Variants in AUNIP observed in about 807,000 individuals in gnomAD.
AUNIP encodes aurora kinase A and ninein interacting protein.
Under a neutral mutation model 12.2 loss-of-function variants are expected in AUNIP, and 16 were observed. The observed-to-expected ratio is 1.31, with a 90% CI of 0.88 to 1.99. The LOEUF (loss-of-function observed/expected upper bound fraction) is 1.99. AUNIP is among the 30% of genes most tolerant of loss of function. The probability of loss-of-function intolerance (pLI) is 0.00; values close to 1 mark genes in which losing one functional copy is unlikely to be tolerated. For missense variants in AUNIP, 411 were observed against 419.1 expected (o/e 0.98, Z 0.17); for synonymous variants, 142 against 154.8 (o/e 0.92, Z 0.61).
At chr1:25,858,804 A>G (rs1335375871) in intron 1 of AUNIP, among the ~76,000 whole-genome samples, 2 of 152,132 alleles carry the variant, frequency 1.3e-5, no homozygotes, top group Admixed American at 1.3e-4. Context: ...TTTTCCCCTC[A>G]AAGTTACCGG....
At position 25,851,394 on chromosome 1, in the gene AUNIP, A is replaced by C. The variant is rs558327493; in HGVS notation, c.78+7886T>G. Among the ~76,000 whole-genome samples the C allele has an allele frequency of 7.2e-5, 11 of 152,310 alleles. No homozygotes were observed. The South Asian group carries it at 2.3e-3, about 32-fold the overall frequency. ...AATACTGGCCTCAAAATGAGTTGGA[A>C]AGTGTTCCCTCCTCTTCTATTCTAT... On this transcript the variant is annotated intron_variant, in intron 1 of 2. Coordinates refer to ENST00000374298, the MANE Select transcript of AUNIP (RefSeq NM_024037.3).
rs200879396 is a variant in AUNIP, at chr1:25,835,669, G to C, written c.398C>G (p.Ser133Cys). ...TTADIQEAGLSPQSLQTSGHH... is the reference protein window; with the variant it reads ...TTADIQEAGLCPQSLQTSGHH... ...GCCAGAAGTCTGGAGGGACTGAGGA[G>C]AGAGTCCAGCTTCCTGGATGTCTGC... is the stretch of plus-strand genomic sequence containing the variant. Residue 133 changes from serine (S) to cysteine (C), a missense_variant, in exon 3 of 3, where the codon TCT (serine) becomes TGT (cysteine). Transcript: ENST00000374298. The C allele has an allele frequency of 6.2e-7, 1 of 1,614,220 alleles. No individual in the cohort carries two copies. The highest frequency in any genetic ancestry group is 1.3e-5 in the African/African-American group (1 of 75,052).
chr1:25,847,614 G>A lies in AUNIP; in HGVS notation c.79-10060C>T, dbSNP rs2124507865. On this transcript the variant is annotated intron_variant, in intron 1 of 2. Transcript: ENST00000374298. The surrounding 1 kb of genome is among the most constrained non-coding windows in gnomAD (Gnocchi z 4.2). ...TACTAAGCCTATTTAGGTCCTTCTT[G>A]AGCGTACCTATACTTTTATATAGAG... Among the ~76,000 whole-genome samples the A allele has an allele frequency of 6.6e-6, 1 of 152,186 alleles. No individual in the cohort carries two copies. Among genetic ancestry groups the A allele is most frequent in the Middle Eastern group, 3.4e-3 (1 of 294 alleles).
chr1:25,836,255 A>ATTATC (rs1350614021), intron 2 of AUNIP, among the ~76,000 whole-genome samples: 1 of 152,202 alleles, frequency 6.6e-6, no homozygotes, highest in Non-Finnish European at 1.5e-5. Context: ...ATTCCTAGAC[A>ATTATC]TTATCCTTAA....
intron 1 of AUNIP, among the ~76,000 whole-genome samples, chr1:25,838,979 G>A (rs565070033): frequency 6.6e-6 from 1 of 152,188 alleles, no homozygotes; most frequent in South Asian, 2.1e-4. Flanking sequence ...TACTTTAAGT[G>A]GTTAAAAAAA....
chr1:25,837,401 G>T lies in AUNIP; in HGVS notation c.220+12C>A. 1 of 1,611,182 alleles carries T rather than the reference G, an allele frequency of 6.2e-7. No individual in the cohort carries two copies. The highest frequency in any genetic ancestry group is 8.5e-7 in the Non-Finnish European group (1 of 1,178,790). On this transcript the variant is annotated intron_variant, in intron 2 of 2. Transcript: ENST00000374298. Reference sequence around the variant, plus strand: ...TCTGGATAATGAAGTATTCCCATATGGGTCACCATACCTGGCTGCAAGGTG... The same window carrying T: ...TCTGGATAATGAAGTATTCCCATATTGGTCACCATACCTGGCTGCAAGGTG...
At position 25,835,660 on chromosome 1, in the gene AUNIP, G is replaced by A. The variant is rs145647141; in HGVS notation, c.407C>T (p.Ser136Phe). The change falls in exon 3 of 3, where the codon TCC becomes TTC. Residue 136 changes from serine to phenylalanine, a missense_variant. Physicochemically the swap from Ser to Phe is radical, Grantham distance 155. Coordinates refer to ENST00000374298, the MANE Select transcript of AUNIP (RefSeq NM_024037.3). ...TCTGTGGTGGCCAGAAGTCTGGAGG[G>A]ACTGAGGAGAGAGTCCAGCTTCCTG... ...DIQEAGLSPQ[S>F]LQTSGHHRMK... The A allele has an allele frequency of 1.9e-6, 3 of 1,614,118 alleles. No homozygotes were observed. The highest frequency in any genetic ancestry group is 2.2e-5 in the East Asian group (1 of 44,896).
intron 1 of AUNIP, among the ~76,000 whole-genome samples, chr1:25,858,393 C>T (rs1047675598): frequency 4.6e-5 from 7 of 152,142 alleles, no homozygotes; most frequent in African/African-American, 1.7e-4. Context: ...TGTGAGCAAC[C>T]TGAGAGCAAG....
At chr1:25,846,069 A>G (rs1443474029) in intron 1 of AUNIP, among the ~76,000 whole-genome samples, 1 of 152,218 alleles carries the variant, frequency 6.6e-6, no homozygotes, top group Admixed American at 6.5e-5. Context: ...TTCTATCACA[A>G]TTCCTAATTG....
downstream of AUNIP, chr1:25,832,193 A>ACTT (rs753218882): frequency 6.5e-7 from 1 of 1,535,340 alleles, no homozygotes. Flanking sequence ...TATTTCCCAG[A>ACTT]CTTCAAACCC....
Position 25,834,111 on chromosome 1 carries a change from G to A in AUNIP, c.*882C>T. The A allele has an allele frequency of 1.0e-6, 1 of 985,136 alleles. No homozygotes were observed. Among genetic ancestry groups the A allele is most frequent in the Non-Finnish European group, 1.2e-6 (1 of 829,710 alleles). 61.0% of individuals were successfully genotyped at this position (985,136 alleles called of 1,614,324 possible). A position where few individuals can be genotyped will look rare whatever the true frequency, so the allele number is the denominator to read the frequency against. ...ACATCCAGATTGTTGTACAGCTCAGGCTTTTTAAGGGAGATATTTAAACAT... is the reference window on the plus strand; with the variant it reads ...ACATCCAGATTGTTGTACAGCTCAGACTTTTTAAGGGAGATATTTAAACAT... On this transcript the variant is annotated 3_prime_UTR_variant, in exon 3 of 3. Coordinates refer to ENST00000374298, the MANE Select transcript of AUNIP (RefSeq NM_024037.3).
At position 25,834,296 on chromosome 1, in the gene AUNIP, G is replaced by A. The variant is rs986370924; in HGVS notation, c.*697C>T. On this transcript the variant is annotated 3_prime_UTR_variant, in exon 3 of 3. Transcript: ENST00000374298. ...AATCATCCCAAGCTTAGGCTGATGT[G>A]GGTTAAGATCAGCCAGAGATTAAAA... 6.1e-6 allele frequency: 6 copies of A among 985,190 alleles called. No individual in the cohort carries two copies. The African/African-American group carries it at 1.0e-4, about 17-fold the overall frequency. The allele number at this position is 985,190 out of a possible 1,614,324, so 61.0% of individuals were successfully genotyped here. A position where few individuals can be genotyped will look rare whatever the true frequency, so the allele number is the denominator to read the frequency against.
chr1:25,840,735 C>A (rs1438370250), intron 1 of AUNIP, among the ~76,000 whole-genome samples: 1 of 152,178 alleles, frequency 6.6e-6, no homozygotes, highest in East Asian at 1.9e-4. Context: ...TCTTGAGGTG[C>A]TCACTCTTGG....
chr1:25,855,558 G>A (rs1426166351), intron 1 of AUNIP, among the ~76,000 whole-genome samples: 1 of 151,994 alleles, frequency 6.6e-6, no homozygotes, highest in Non-Finnish European at 1.5e-5. Context: ...AGGCCAAATG[G>A]GTAGTTCAAA....
rs746193050 is a variant in AUNIP at position 25,837,425 on chromosome 1, TGAA to T, written c.205_207del (p.Phe69del). The T allele has an allele frequency of 6.8e-6, 11 of 1,613,640 alleles. No individual in the cohort carries two copies. The highest frequency in any genetic ancestry group is 1.7e-5 in the Admixed American group (1 of 59,932). Reference sequence around the variant, plus strand: ...TGGGTCACCATACCTGGCTGCAAGGTGAAGAAGGAAGCAATGCTTCTCTGGTGA... The same window carrying T: ...TGGGTCACCATACCTGGCTGCAAGGTGAAGGAAGCAATGCTTCTCTGGTGA... On this transcript the variant is annotated inframe_deletion, in exon 2 of 3. Coordinates refer to ENST00000374298, the MANE Select transcript of AUNIP (RefSeq NM_024037.3).
chr1:25,832,097 A>G (rs114553184), downstream of AUNIP: 6,215 of 1,611,474 alleles, frequency 3.9e-3, 207 homozygotes, highest in African/African-American at 0.07. Flanking sequence ...CTCACCGCAG[A>G]TGTTTCTGCC....
intron 1 of AUNIP, among the ~76,000 whole-genome samples, chr1:25,858,468 T>A (rs1429486459): frequency 6.6e-6 from 1 of 152,226 alleles, no homozygotes; most frequent in Non-Finnish European, 1.5e-5. Flanking sequence ...CATTACACTA[T>A]CTACCATATA....
chr1:25,843,262 A>C (rs897195261), intron 1 of AUNIP, among the ~76,000 whole-genome samples: 2 of 150,996 alleles, frequency 1.3e-5, no homozygotes, highest in African/African-American at 4.8e-5. Context: ...ATGTACAAGA[A>C]GATTAATGTT....
chr1:25,841,121 G>A (rs962256838), intron 1 of AUNIP, among the ~76,000 whole-genome samples: 59 of 152,182 alleles, frequency 3.9e-4, no homozygotes, highest in African/African-American at 1.4e-3. Flanking sequence ...AGGTCAGAGT[G>A]CGGTCAGAAC....
Sources: gnomAD v4.1 joint callset for allele counts (sites outside exome capture counted in the v4.1 genomes callset) on GRCh38, gnomAD v4.1.1 for gene constraint, Gnocchi (gnomAD v3.1) non-coding constraint, MANE v1.5 for transcripts, NCBI Gene and HGNC (gene_info 2026-07-23, HGNC 2026-07-21) for gene names.